The following TBL1XR1 variants were observed in gnomAD, a reference collection of about 807,000 sequenced individuals.
TBL1XR1 encodes the protein F-box-like/WD repeat-containing protein TBL1XR1.
Under a neutral mutation model 66.9 loss-of-function variants are expected in TBL1XR1, and 5 were observed. The observed-to-expected ratio is 0.07, with a 90% CI of 0.04 to 0.16. TBL1XR1 has a LOEUF of 0.16. Among genes scored for constraint, TBL1XR1 ranks in the 10% least tolerant of loss-of-function variants. The pLI is 1.00. For missense variants in TBL1XR1, 238 were observed against 623.2 expected, an observed-to-expected ratio of 0.38 and a Z score of 6.58; for synonymous variants, 210 against 206.0, an observed-to-expected ratio of 1.02 and a Z score of -0.17.
chr3:177,199,159 A>G (rs1404631956), upstream of TBL1XR1, among the ~76,000 whole-genome samples: 2 of 152,140 alleles, frequency 1.3e-5, no homozygotes, highest in African/African-American at 2.4e-5. Flanking sequence ...CCTTAGAGCT[A>G]TTTTCATGTA....
chr3:177,191,134 A>G (rs1378490451), intron 1 of TBL1XR1, among the ~76,000 whole-genome samples: 2 of 152,200 alleles, frequency 1.3e-5, no homozygotes, highest in Admixed American at 6.6e-5. Flanking sequence ...TAAGAGTGAG[A>G]AATAAAGCTG....
At chr3:177,093,113 G>A (rs537703306) in intron 2 of TBL1XR1, among the ~76,000 whole-genome samples, 7 of 152,068 alleles carry the variant, frequency 4.6e-5, no homozygotes, top group African/African-American at 1.2e-4. Context: ...TGAATTCAGC[G>A]AAGTTTCCAG....
chr3:177,136,623 G>T (rs957394083), intron 1 of TBL1XR1, among the ~76,000 whole-genome samples: 16 of 152,118 alleles, frequency 1.1e-4, no homozygotes, highest in South Asian at 4.2e-4. Context: ...TAAAACATTG[G>T]AGTAGTAAAA....
chr3:177,149,549 CT>C (rs1730641290), intron 1 of TBL1XR1, among the ~76,000 whole-genome samples: 1 of 152,168 alleles, frequency 6.6e-6, no homozygotes, highest in African/African-American at 2.4e-5. Flanking sequence ...TTGTATTATA[CT>C]AATTCTACAA....
At chr3:177,058,322 T>C (rs865869627) in intron 3 of TBL1XR1, among the ~76,000 whole-genome samples, 1 of 152,034 alleles carries the variant, frequency 6.6e-6, no homozygotes, top group African/African-American at 2.4e-5. Flanking sequence ...AAAAGGTAAA[T>C]AGGATGGGGA....
chr3:177,135,338 C>CATATATATATAT (rs1177634107), intron 1 of TBL1XR1, among the ~76,000 whole-genome samples: 23 of 22,452 alleles, frequency 1.0e-3, no homozygotes, highest in South Asian at 1.5e-3. Flanking sequence ...TGTGTGTATA[C>CATATATATATAT]ATATATATAT....
intron 1 of TBL1XR1, among the ~76,000 whole-genome samples, chr3:177,169,719 T>C (rs1003789479): frequency 2.0e-5 from 3 of 152,184 alleles, no homozygotes; most frequent in African/African-American, 7.2e-5. Context: ...CACTCTTTCT[T>C]CACTGGTCAA....
chr3:177,104,055 G>A (rs952717049), intron 1 of TBL1XR1, among the ~76,000 whole-genome samples: 1 of 151,198 alleles, frequency 6.6e-6, no homozygotes, highest in Non-Finnish European at 1.5e-5. Flanking sequence ...GGCAGAGGTT[G>A]CAGTGAGCTG....
At chr3:177,163,659 C>G (rs1286260132) in intron 1 of TBL1XR1, among the ~76,000 whole-genome samples, 1 of 151,978 alleles carries the variant, frequency 6.6e-6, no homozygotes, top group African/African-American at 2.4e-5. Context: ...CACTTAATTA[C>G]TTTTATATAT....
chr3:177,193,171 A>G (rs1559974065), intron 1 of TBL1XR1, among the ~76,000 whole-genome samples: 1 of 152,150 alleles, frequency 6.6e-6, no homozygotes, highest in African/African-American at 2.4e-5. Flanking sequence ...AAAATAAAAT[A>G]AAATTTTAAA....
intron 14 of TBL1XR1, among the ~76,000 whole-genome samples, chr3:177,028,103 A>C (rs1713415743): frequency 6.6e-6 from 1 of 152,310 alleles, no homozygotes; most frequent in Non-Finnish European, 1.5e-5. Flanking sequence ...AAAAAGGCCA[A>C]TGGCTCAGAT....
chr3:177,185,430 G>A (rs575152207), intron 1 of TBL1XR1, among the ~76,000 whole-genome samples: 3 of 152,090 alleles, frequency 2.0e-5, no homozygotes, highest in South Asian at 2.1e-4. Flanking sequence ...CCAACATGGC[G>A]AAACCCCATT....
chr3:177,064,807 A>C lies in TBL1XR1; in HGVS notation c.58+113T>G, dbSNP rs143369567. On this transcript the variant is annotated intron_variant, in intron 3 of 15. Transcript: ENST00000457928. ...CTTTAAAATGGCAGTCCAGACATTAAGAAAACATACAAAGTTCAACGGTTT... is the reference window on the plus strand; with the variant it reads ...CTTTAAAATGGCAGTCCAGACATTACGAAAACATACAAAGTTCAACGGTTT... 1.5e-5 allele frequency: 11 copies of C among 736,940 alleles called. No individual in the cohort carries two copies. In the African/African-American group the frequency reaches 2.1e-4, roughly 14 times the overall value. 45.7% of individuals were successfully genotyped at this position (736,940 alleles called of 1,614,324 possible).
chr3:177,178,843 C>A (rs1020432101), intron 1 of TBL1XR1, among the ~76,000 whole-genome samples: 1 of 151,944 alleles, frequency 6.6e-6, no homozygotes, highest in African/African-American at 2.4e-5. Flanking sequence ...ATCAGTCAGG[C>A]GCAGTGGTTC....
At chr3:177,039,426 TGA>T (rs1002719724) in intron 10 of TBL1XR1, among the ~76,000 whole-genome samples, 6 of 152,232 alleles carry the variant, frequency 3.9e-5, no homozygotes, top group Admixed American at 3.3e-4. Context: ...ATACGGCATA[TGA>T]TTTGCAAATA....
intron 1 of TBL1XR1, among the ~76,000 whole-genome samples, chr3:177,172,081 G>A (rs1733586443): frequency 6.6e-6 from 1 of 151,850 alleles, no homozygotes; most frequent in African/African-American, 2.4e-5. Context: ...CTAACATGGT[G>A]AAACCCCGTC....
intron 9 of TBL1XR1, among the ~76,000 whole-genome samples, chr3:177,046,771 C>T (rs1470340194): frequency 1.3e-5 from 2 of 152,140 alleles, no homozygotes; most frequent in Non-Finnish European, 2.9e-5. Flanking sequence ...CTTCTCTCCA[C>T]TTCCCTGTTT....
chr3:177,110,279 A>G (rs944609100), intron 1 of TBL1XR1, among the ~76,000 whole-genome samples: 1 of 152,240 alleles, frequency 6.6e-6, no homozygotes, highest in African/African-American at 2.4e-5. Context: ...TTTTTCCAAG[A>G]CACATGATAC....
chr3:177,051,400 G>A (rs539442650), intron 5 of TBL1XR1, 104 bp downstream of exon 5: 10 of 994,092 alleles, frequency 1.0e-5, no homozygotes, highest in Non-Finnish European at 1.5e-5. Context: ...CCTGTGATAT[G>A]AGTTCATCTA....
Sources: gnomAD v4.1 joint callset for allele counts (sites outside exome capture counted in the v4.1 genomes callset) on GRCh38, gnomAD v4.1.1 for gene constraint, MANE v1.5 for transcripts, NCBI Gene and HGNC (gene_info 2026-07-23, HGNC 2026-07-21) for gene names.